LINGO2: variants seen among roughly 807,000 people sequenced by gnomAD.
LINGO2 encodes the protein leucine-rich repeat and immunoglobulin-like domain-containing nogo receptor-interacting protein 2.
Under a neutral mutation model 30.6 loss-of-function variants are expected in LINGO2, and 14 were observed. That is an observed-to-expected ratio of 0.46 (90% CI 0.30 to 0.72). The LOEUF is 0.72. LINGO2 is among the 30% of genes least tolerant of loss of function. The pLI is 0.07. For synonymous variants in LINGO2, 317 were observed against 288.5 expected, an observed-to-expected ratio of 1.10 and a Z score of -1.00; for missense variants, 729 against 751.7, an observed-to-expected ratio of 0.97 and a Z score of 0.35.
chr9:28,189,806 G>T (rs938856650), intron 4 of LINGO2, among the ~76,000 whole-genome samples: 2 of 152,076 alleles, frequency 1.3e-5, no homozygotes, highest in African/African-American at 4.8e-5. Context: ...AAGCAGTTGT[G>T]ATCAAGGGCT....
At chr9:28,301,931 C>T (rs1437772752) in intron 3 of LINGO2, among the ~76,000 whole-genome samples, 2 of 152,060 alleles carry the variant, frequency 1.3e-5, no homozygotes, top group Non-Finnish European at 2.9e-5. Context: ...ATTCAACATT[C>T]TTAAAGAAAA....
chr9:28,789,349 T>C, the LINGO2 span, among the ~76,000 whole-genome samples: 1 of 152,204 alleles, frequency 6.6e-6, no homozygotes, highest in Non-Finnish European at 1.5e-5. Context: ...TGAACCACAA[T>C]GTTTTGTAAA....
At chr9:28,820,737 A>T in the LINGO2 span, among the ~76,000 whole-genome samples, 1 of 152,206 alleles carries the variant, frequency 6.6e-6, no homozygotes. Context: ...GGGCACAGAA[A>T]GTTAGAAGTC....
the LINGO2 span, among the ~76,000 whole-genome samples, chr9:28,903,163 A>G: frequency 1.8e-4 from 27 of 152,238 alleles, no homozygotes; most frequent in East Asian, 5.2e-3. Flanking sequence ...AGATTCAAAT[A>G]AATAAAATCA....
the LINGO2 span, among the ~76,000 whole-genome samples, chr9:29,138,681 A>G: frequency 5.3e-5 from 8 of 152,304 alleles, no homozygotes; most frequent in Middle Eastern, 3.4e-3. Flanking sequence ...ACGTAGCCCT[A>G]TGAGGCAGGC....
intron 4 of LINGO2, among the ~76,000 whole-genome samples, chr9:28,047,307 C>CA (rs1824469063): frequency 6.6e-6 from 1 of 152,092 alleles, no homozygotes; most frequent in Admixed American, 6.6e-5. Context: ...ATTGTAGGTT[C>CA]TGGCAGGGAG....
the LINGO2 span, among the ~76,000 whole-genome samples, chr9:28,993,482 TAGAA>T: frequency 6.6e-6 from 1 of 152,046 alleles, no homozygotes; most frequent in East Asian, 1.9e-4. Context: ...TTCCAATCAA[TAGAA>T]AAAGAGGGAA....
At chr9:29,016,025 A>G in the LINGO2 span, among the ~76,000 whole-genome samples, 2 of 152,078 alleles carry the variant, frequency 1.3e-5, no homozygotes, top group Non-Finnish European at 2.9e-5. Flanking sequence ...TACCTTCTCA[A>G]TCCTTAATAT....
At chr9:28,526,988 T>G (rs1407344025) in intron 1 of LINGO2, among the ~76,000 whole-genome samples, 1 of 152,212 alleles carries the variant, frequency 6.6e-6, no homozygotes, top group Non-Finnish European at 1.5e-5. Context: ...AATTAAATAT[T>G]ACATTATTAT....
At chr9:28,214,625 G>C (rs927463436) in intron 4 of LINGO2, among the ~76,000 whole-genome samples, 1 of 151,394 alleles carries the variant, frequency 6.6e-6, no homozygotes, top group South Asian at 2.1e-4. Context: ...AGCCCACAGA[G>C]GTATAGCTCT....
At chr9:28,837,338 A>T in the LINGO2 span, among the ~76,000 whole-genome samples, 1 of 151,666 alleles carries the variant, frequency 6.6e-6, no homozygotes, top group Non-Finnish European at 1.5e-5. Context: ...TAATTAGAGC[A>T]AAGTAACTAT....
chr9:28,099,353 T>C (rs1826342378), intron 4 of LINGO2, among the ~76,000 whole-genome samples: 1 of 152,160 alleles, frequency 6.6e-6, no homozygotes, highest in Non-Finnish European at 1.5e-5. Flanking sequence ...ATTTATACAA[T>C]TTGTCTGTGC....
intron 4 of LINGO2, among the ~76,000 whole-genome samples, chr9:28,209,093 T>C (rs17771857): frequency 0.047 from 7,205 of 152,168 alleles, 240 homozygotes; most frequent in Admixed American, 0.096. Flanking sequence ...AATAAGCTTA[T>C]GTAATCTTGA....
At chr9:28,934,150 G>A in the LINGO2 span, among the ~76,000 whole-genome samples, 1 of 152,146 alleles carries the variant, frequency 6.6e-6, no homozygotes, top group Non-Finnish European at 1.5e-5. Flanking sequence ...AGCTGAACTT[G>A]AGTATTGAAA....
At chr9:28,886,787 A>C in the LINGO2 span, among the ~76,000 whole-genome samples, 1 of 152,166 alleles carries the variant, frequency 6.6e-6, no homozygotes, top group Non-Finnish European at 1.5e-5. Flanking sequence ...CTTTTATGAG[A>C]TAACATGCAA....
intron 5 of LINGO2, among the ~76,000 whole-genome samples, chr9:27,999,718 AGACT>A (rs1056140163): frequency 2.0e-5 from 3 of 152,304 alleles, no homozygotes; most frequent in African/African-American, 7.2e-5. Context: ...GTCCAATGAA[AGACT>A]GACTGTGCAA....
intron 5 of LINGO2, among the ~76,000 whole-genome samples, chr9:27,968,145 G>A (rs77769950): frequency 0.016 from 2,481 of 152,106 alleles, 56 homozygotes; most frequent in African/African-American, 0.056. Context: ...ACAGAGATGA[G>A]CAAATGCAAT....
At chr9:28,446,207 T>C (rs960949817) in intron 2 of LINGO2, among the ~76,000 whole-genome samples, 1 of 152,226 alleles carries the variant, frequency 6.6e-6, no homozygotes, top group African/African-American at 2.4e-5. Context: ...GAACCCCTTA[T>C]TTCATAGGTT....
At chr9:28,477,141 T>C (rs1054738618) in intron 1 of LINGO2, among the ~76,000 whole-genome samples, 7 of 152,180 alleles carry the variant, frequency 4.6e-5, no homozygotes, top group African/African-American at 1.2e-4. Flanking sequence ...ATAATTAGAA[T>C]GTCAATCACT....
Sources: gnomAD v4.1 joint callset for allele counts (sites outside exome capture counted in the v4.1 genomes callset) on GRCh38, gnomAD v4.1.1 for gene constraint, MANE v1.5 for transcripts, NCBI Gene and HGNC (gene_info 2026-07-23, HGNC 2026-07-21) for gene names.